Variants in NCAM1 observed in about 807,000 individuals in gnomAD.
NCAM1 encodes the protein antigen recognized by monoclonal antibody 5.1H11.
A neutral mutation model predicts 109.8 loss-of-function variants in NCAM1; 14 were observed. The observed-to-expected ratio is 0.13, with a 90% CI of 0.08 to 0.20. NCAM1 has a LOEUF of 0.20. Ranked by LOEUF, NCAM1 falls within the 10% of genes least tolerant of loss-of-function variation. NCAM1 has a pLI of 1.00. For missense variants in NCAM1, 774 were observed against 1,109.9 expected (o/e 0.70, Z 4.30); for synonymous variants, 418 against 442.9 (o/e 0.94, Z 0.70).
chr11:113,181,970 G>T (rs1943348201), intron 1 of NCAM1, among the ~76,000 whole-genome samples: 1 of 152,142 alleles, frequency 6.6e-6, no homozygotes, highest in Admixed American at 6.5e-5. Flanking sequence ...TGTCTAAGTA[G>T]CTTACTGCTG....
At chr11:113,040,971 T>G (rs553108547) in intron 1 of NCAM1, 1 of 152,334 alleles carries the variant, frequency 6.6e-6, no homozygotes, top group East Asian at 1.9e-4. Flanking sequence ...TGCCTAATGT[T>G]ATAATATTAA....
At chr11:113,091,420 G>A (rs1183772562) in intron 1 of NCAM1, among the ~76,000 whole-genome samples, 5 of 152,154 alleles carry the variant, frequency 3.3e-5, no homozygotes, top group African/African-American at 1.2e-4. Flanking sequence ...GGGTTCTAGT[G>A]CCAGACGTAG....
At chr11:113,166,405 C>A (rs1942798964) in intron 1 of NCAM1, among the ~76,000 whole-genome samples, 2 of 152,184 alleles carry the variant, frequency 1.3e-5, no homozygotes, top group African/African-American at 4.8e-5. Flanking sequence ...AGTGAGCCAG[C>A]CAGAGGCACT....
intron 1 of NCAM1, among the ~76,000 whole-genome samples, chr11:113,103,145 A>C (rs1225295524): frequency 6.6e-6 from 1 of 152,224 alleles, no homozygotes; most frequent in Non-Finnish European, 1.5e-5. Flanking sequence ...GGCTGTTGTC[A>C]GTGAGCTTGC....
At chr11:113,069,307 A>G (rs1938147747) in intron 1 of NCAM1, among the ~76,000 whole-genome samples, 1 of 152,204 alleles carries the variant, frequency 6.6e-6, no homozygotes, top group Non-Finnish European at 1.5e-5. Context: ...GGGTCTTTCA[A>G]GTGGTCTGGT....
chr11:113,107,979 A>C (rs1555092862), intron 1 of NCAM1, among the ~76,000 whole-genome samples: 1 of 152,142 alleles, frequency 6.6e-6, no homozygotes, highest in African/African-American at 2.4e-5. Flanking sequence ...ATTTCCTGGA[A>C]ATTTTATGGT....
At chr11:113,016,739 T>G (rs1489446799) in intron 1 of NCAM1, among the ~76,000 whole-genome samples, 1 of 152,128 alleles carries the variant, frequency 6.6e-6, no homozygotes, top group Non-Finnish European at 1.5e-5. Flanking sequence ...GTCATTCTGT[T>G]CCTTTTAACA....
chr11:112,964,140 G>GTTTTTTTTTTTTTTTTT (rs1254307069), intron 1 of NCAM1, among the ~76,000 whole-genome samples: 6 of 72,906 alleles, frequency 8.2e-5, no homozygotes, highest in African/African-American at 1.1e-4. Context: ...TTTTTTTTTT[G>GTTTTTTTTTTTTTTTTT]TTTTTTTTTT....
At position 113,273,348 on chromosome 11, in the gene NCAM1, A is replaced by C. The variant is rs2137802590; in HGVS notation, c.2456+1472A>C. On this transcript the variant is annotated intron_variant, in intron 19 of 19. Transcript: ENST00000316851. This position sits in a 1 kb window ranked among gnomAD's most constrained non-coding sequence, Gnocchi z 6.0. ...TAAGGCTCCTCCGGCCAGCAAGCCC[A>C]CCCCTGCACCAGTCCCCACCCCGAC... 2 of 324,940 alleles carry C rather than the reference A, an allele frequency of 6.2e-6. No homozygotes were observed. Among genetic ancestry groups the C allele is most frequent in the African/African-American group, 2.2e-5 (1 of 45,458 alleles). 20.1% of individuals were successfully genotyped at this position (324,940 alleles called of 1,614,324 possible).
rs559729413 is a variant in NCAM1, at chr11:113,232,290, T to C, written c.1361T>C (p.Leu454Pro). The change falls in exon 11 of 20, where the codon CTG (leucine) becomes CCG (proline). Residue 454 changes from leucine (L) to proline (P), a missense_variant. Around this residue, in one of 4 missense-constraint regions of NCAM1, gnomAD observed 523 missense variants for 784.2 expected, o/e 0.67. Transcript: ENST00000316851. ...ATCTCATGGTTTCGGGATGGCCAGC[T>C]GCTGCCAAGCTCCAATTACAGCAAT... is the stretch of plus-strand genomic sequence containing the variant. ...ATISWFRDGQ[L>P]LPSSNYSNIK... 1 of 1,613,940 alleles carries C rather than the reference T, an allele frequency of 6.2e-7. No individual in the cohort carries two copies. Among genetic ancestry groups the C allele is most frequent in the Admixed American group, 1.7e-5 (1 of 60,020 alleles).
intron 15 of NCAM1, among the ~76,000 whole-genome samples, chr11:113,247,696 G>A (rs1267465837): frequency 9.2e-5 from 14 of 152,284 alleles, no homozygotes; most frequent in African/African-American, 3.1e-4. Flanking sequence ...AATAAAGTGG[G>A]AATGTCCCAG....
intron 1 of NCAM1, among the ~76,000 whole-genome samples, chr11:113,023,748 T>C (rs1292252627): frequency 6.6e-6 from 1 of 152,188 alleles, no homozygotes; most frequent in African/African-American, 2.4e-5. Flanking sequence ...TCGGTTTTCT[T>C]GTTTTAATGA....
intron 19 of NCAM1, 43 bp from the exon 20 acceptor site, chr11:113,275,224 C>T (rs1946377046): frequency 5.0e-6 from 8 of 1,610,440 alleles, no homozygotes; most frequent in Non-Finnish European, 6.8e-6. Context: ...GAGATGTCTG[C>T]AGACCGTGGT....
rs577328737 is a variant in NCAM1 at position 113,058,498 on chromosome 11, T to C, written c.52+96834T>C. Among the ~76,000 whole-genome samples, 33 of 152,304 alleles carry C rather than the reference T, an allele frequency of 2.2e-4. No individual in the cohort carries two copies. In the South Asian group the frequency reaches 5.6e-3, roughly 26 times the overall value. On this transcript the variant is annotated intron_variant, in intron 1 of 19. Coordinates refer to ENST00000316851, the MANE Select transcript of NCAM1 (RefSeq NM_181351.5). ...ATGTTCTTCCTTTGCACAGAAGCTA[T>C]GCCATGAAGCACTGACTTCTCCCTG...
chr11:113,081,510 TGCCACAA>T (rs1938816559), intron 1 of NCAM1, among the ~76,000 whole-genome samples: 1 of 152,222 alleles, frequency 6.6e-6, no homozygotes, highest in Non-Finnish European at 1.5e-5. Context: ...ATCTGCCGCA[TGCCACAA>T]GCGACCAAAT....
Position 113,254,013 on chromosome 11 carries a change from C to A in NCAM1, c.1829-1864C>A, listed in dbSNP as rs190075945. 8.6e-5 allele frequency among the ~76,000 whole-genome samples: 13 copies of A among 151,444 alleles called. No homozygotes were observed. In the East Asian group the frequency reaches 2.4e-3, roughly 27 times the overall value. ...TTGTAAAGTTCTCCTGTGTCTCCTT[C>A]TATTTGTTCAGCATTTCTGAATCTA... On this transcript the variant is annotated intron_variant, in intron 15 of 19. Transcript: ENST00000316851.
At chr11:113,269,111 G>T (rs1555124780) in intron 17 of NCAM1, among the ~76,000 whole-genome samples, 1 of 152,100 alleles carries the variant, frequency 6.6e-6, no homozygotes, top group African/African-American at 2.4e-5. Flanking sequence ...CCTGCATCAT[G>T]ACCACTGTCT....
intron 17 of NCAM1, chr11:113,262,822 G>T: frequency 1.9e-6 from 3 of 1,612,670 alleles, no homozygotes; most frequent in Non-Finnish European, 2.5e-6. Flanking sequence ...TTATCTCTGG[G>T]GACCCATTGC....
chr11:113,127,213 G>T (rs1254951423), intron 1 of NCAM1, among the ~76,000 whole-genome samples: 4 of 152,208 alleles, frequency 2.6e-5, no homozygotes, highest in Non-Finnish European at 5.9e-5. Flanking sequence ...ATCTCCAGGA[G>T]TGGGGTTTAG....
Sources: gnomAD v4.1 joint callset for allele counts (sites outside exome capture counted in the v4.1 genomes callset) on GRCh38, gnomAD v4.1.1 for gene constraint, gnomAD v4.1.1 regional missense constraint, Gnocchi (gnomAD v3.1) non-coding constraint, MANE v1.5 for transcripts, NCBI Gene and HGNC (gene_info 2026-07-23, HGNC 2026-07-21) for gene names.